BAZ2B: variants seen among roughly 807,000 people sequenced by gnomAD.
BAZ2B encodes the protein bromodomain adjacent to zinc finger domain protein 2B.
BAZ2B carries 91 observed loss-of-function variants against 246.0 expected under a neutral mutation model. The ratio of observed to expected loss-of-function variants is 0.37; its 90% confidence interval spans 0.31 to 0.44. The LOEUF is 0.44. Ranked by LOEUF, BAZ2B falls within the 20% of genes least tolerant of loss-of-function variation. The probability of loss-of-function intolerance (pLI) is 1.00; values close to 1 mark genes in which losing one functional copy is unlikely to be tolerated. For missense variants in BAZ2B, 2,332 were observed against 2,533.7 expected (o/e 0.92, Z 1.71); for synonymous variants, 855 against 860.0 (o/e 0.99, Z 0.10).
At chr2:159,651,869 A>G in the BAZ2B span, among the ~76,000 whole-genome samples, 1 of 152,184 alleles carries the variant, frequency 6.6e-6, no homozygotes, top group African/African-American at 2.4e-5. Flanking sequence ...TGTAGCATTT[A>G]TTGGTACCTC....
At chr2:159,329,959 A>G (rs2064427373) in intron 34 of BAZ2B, among the ~76,000 whole-genome samples, 1 of 152,226 alleles carries the variant, frequency 6.6e-6, no homozygotes, top group Non-Finnish European at 1.5e-5. Flanking sequence ...ATAGAGTATT[A>G]GAGAAACTTT....
the BAZ2B span, among the ~76,000 whole-genome samples, chr2:159,695,967 G>A: frequency 1.3e-5 from 2 of 151,912 alleles, no homozygotes; most frequent in Non-Finnish European, 2.9e-5. Flanking sequence ...CATCATGCTG[G>A]TCAGACTAGT....
chr2:159,359,544 C>G (rs1477360221), intron 27 of BAZ2B, among the ~76,000 whole-genome samples: 1 of 152,206 alleles, frequency 6.6e-6, no homozygotes, highest in East Asian at 1.9e-4. Flanking sequence ...CGAGCTGCTA[C>G]CATTCCTTTT....
intron 27 of BAZ2B, among the ~76,000 whole-genome samples, chr2:159,368,955 A>G (rs1184757453): frequency 6.6e-6 from 1 of 151,846 alleles, no homozygotes; most frequent in Non-Finnish European, 1.5e-5. Context: ...TTTAAATCTT[A>G]AAGTATTTTA....
chr2:159,459,564 CAACTATCTTAACATTTCA>C (rs2076172071), intron 3 of BAZ2B: 2 of 152,104 alleles, frequency 1.3e-5, no homozygotes. Context: ...CTTTAGTCTT[CAACTATCTTAACATTTCA>C]AACTACTGTT....
chr2:159,623,213 C>T, the BAZ2B span, among the ~76,000 whole-genome samples: 67 of 151,334 alleles, frequency 4.4e-4, no homozygotes, highest in South Asian at 2.5e-3. Flanking sequence ...AGAGCATGCA[C>T]GAGAGAGTGA....
At chr2:159,369,560 A>G (rs1449737564) in intron 27 of BAZ2B, among the ~76,000 whole-genome samples, 2 of 22,028 alleles carry the variant, frequency 9.1e-5, no homozygotes, top group East Asian at 3.9e-3. Flanking sequence ...GTAGTGTTGC[A>G]AAGAGACTGA....
the BAZ2B span, among the ~76,000 whole-genome samples, chr2:159,686,268 G>C: frequency 6.6e-6 from 1 of 152,138 alleles, no homozygotes; most frequent in African/African-American, 2.4e-5. Flanking sequence ...TAAAAAGAGA[G>C]AGAGAGAGAA....
chr2:159,577,227 C>G (rs1685568847), intron 1 of BAZ2B, among the ~76,000 whole-genome samples: 2 of 151,998 alleles, frequency 1.3e-5, no homozygotes, highest in Admixed American at 1.3e-4. Context: ...GATCCTATCT[C>G]TAAAACAAAT....
At chr2:159,662,684 C>A in the BAZ2B span, among the ~76,000 whole-genome samples, 443 of 152,076 alleles carry the variant, frequency 2.9e-3, 2 homozygotes, top group African/African-American at 0.01. Context: ...ACCACCATGC[C>A]CGGCTAATTT....
intron 14 of BAZ2B, among the ~76,000 whole-genome samples, chr2:159,410,655 G>T (rs1209929048): frequency 1.3e-5 from 2 of 152,018 alleles, no homozygotes; most frequent in Non-Finnish European, 2.9e-5. Flanking sequence ...AGCAGTGTGA[G>T]AATAGACTAA....
chr2:159,430,360 T>C (rs1019737541), intron 10 of BAZ2B, among the ~76,000 whole-genome samples: 13 of 152,210 alleles, frequency 8.5e-5, no homozygotes, highest in Admixed American at 1.3e-4. Flanking sequence ...TACTAACATT[T>C]TTCTTTTCTC....
intron 2 of BAZ2B, among the ~76,000 whole-genome samples, chr2:159,487,221 T>A (rs1043332575): frequency 6.6e-6 from 1 of 152,122 alleles, no homozygotes; most frequent in Non-Finnish European, 1.5e-5. Context: ...TACCTTTAAG[T>A]CTTAGGAAGC....
rs1009914144 is a variant in BAZ2B at position 159,438,057 on chromosome 2, C to T, written c.1293+246G>A. On this transcript the variant is annotated intron_variant, in intron 8 of 36. Coordinates refer to ENST00000392783, the MANE Select transcript of BAZ2B (RefSeq NM_013450.4). ...TTAGATCTTGGGTGTGGGGACTTAC[C>T]TTAGGCATGGGTTGCAGGGGAGCTG... The T allele has an allele frequency of 1.0e-5, 4 of 393,376 alleles. No individual in the cohort carries two copies. The East Asian group carries it at 1.5e-4, about 15-fold the overall frequency. 24.4% of individuals were successfully genotyped at this position (393,376 alleles called of 1,614,324 possible). A position where few individuals can be genotyped will look rare whatever the true frequency, so the allele number is the denominator to read the frequency against.
At chr2:159,474,502 C>G (rs1213193004) in intron 3 of BAZ2B, among the ~76,000 whole-genome samples, 1 of 152,170 alleles carries the variant, frequency 6.6e-6, no homozygotes, top group Non-Finnish European at 1.5e-5. Flanking sequence ...GGTCTTGACT[C>G]TCTATCCAAT....
In BAZ2B at chr2:159,399,045, A is replaced by G. The variant is rs878904306; in HGVS notation, c.2899-151T>C. The G allele has an allele frequency of 1.0e-5, 6 of 580,938 alleles. No homozygotes were observed. The South Asian group carries it at 1.6e-4, about 16-fold the overall frequency. The allele number at this position is 580,938 out of a possible 1,614,324, so 36.0% of individuals were successfully genotyped here. On this transcript the variant is annotated intron_variant, in intron 17 of 36. Transcript: ENST00000392783. ...AATTACAGATTTCCCCCCAGTTAACATTATGTTTAACGTAATAATTTTGTT... is the reference window on the plus strand; with the variant it reads ...AATTACAGATTTCCCCCCAGTTAACGTTATGTTTAACGTAATAATTTTGTT...
chr2:159,331,432 A>C (rs2064752471), intron 34 of BAZ2B, among the ~76,000 whole-genome samples: 1 of 152,174 alleles, frequency 6.6e-6, no homozygotes, highest in African/African-American at 2.4e-5. Context: ...CAGTGGCATG[A>C]TCTGGGTTCA....
At chr2:159,349,678 T>C (rs376768796) in intron 28 of BAZ2B, 30 bp downstream of exon 28, 33 of 1,559,180 alleles carry the variant, frequency 2.1e-5, no homozygotes, top group South Asian at 3.6e-5. Context: ...TAAAGCAATA[T>C]AAAAATGAGT....
At chr2:159,396,805 G>A (rs2064094350) in intron 19 of BAZ2B, among the ~76,000 whole-genome samples, 1 of 152,010 alleles carries the variant, frequency 6.6e-6, no homozygotes, top group Non-Finnish European at 1.5e-5. Context: ...ATTGTATAGT[G>A]ATCCAACTTT....
Sources: gnomAD v4.1 joint callset for allele counts (sites outside exome capture counted in the v4.1 genomes callset) on GRCh38, gnomAD v4.1.1 for gene constraint, MANE v1.5 for transcripts, NCBI Gene and HGNC (gene_info 2026-07-23, HGNC 2026-07-21) for gene names.